Variants in CFAP70 observed in about 807,000 individuals in gnomAD.
The protein encoded by CFAP70 is cilia- and flagella-associated protein 70.
In CFAP70, 81 loss-of-function variants were observed where a neutral mutation model predicts 137.6. The ratio of observed to expected loss-of-function variants is 0.59; its 90% confidence interval spans 0.49 to 0.71. The LOEUF (loss-of-function observed/expected upper bound fraction) is 0.71, where lower values mean the gene tolerates loss of function less well. CFAP70 is among the 30% of genes least tolerant of loss of function. The pLI is 0.00. For missense variants in CFAP70, 976 were observed against 1,226.7 expected (o/e 0.80, Z 3.05); for synonymous variants, 382 against 423.6 (o/e 0.90, Z 1.20).
chr10:73,358,938 A>G (rs1372966653), upstream of CFAP70: 1 of 152,226 alleles, frequency 6.6e-6, no homozygotes, highest in Non-Finnish European at 1.5e-5. Flanking sequence ...TTACCTTGCC[A>G]AGAGTTGGGT....
chr10:73,307,116 A>G (rs1454364601), intron 12 of CFAP70, among the ~76,000 whole-genome samples: 1 of 152,200 alleles, frequency 6.6e-6, no homozygotes, highest in African/African-American at 2.4e-5. Context: ...AGTGTATAGT[A>G]CTGAAATTAA....
At chr10:73,272,116 C>G in intron 24 of CFAP70, among the ~76,000 whole-genome samples, 1 of 152,114 alleles carries the variant, frequency 6.6e-6, no homozygotes. Flanking sequence ...GGGTGGATCA[C>G]TTGAGGTCAG....
At chr10:73,317,486 C>T (rs1185331898) in intron 9 of CFAP70, among the ~76,000 whole-genome samples, 4 of 152,048 alleles carry the variant, frequency 2.6e-5, no homozygotes, top group Admixed American at 2.0e-4. Flanking sequence ...CTGTTGCATT[C>T]GTGATGTTCT....
chr10:73,312,354 TTAAAG>T (rs1306324546), intron 10 of CFAP70, 114 bp downstream of exon 11: 29 of 768,932 alleles, frequency 3.8e-5, no homozygotes, highest in Admixed American at 2.1e-4. Flanking sequence ...ATCCCAGAAC[TTAAAG>T]TAAAATTAAA....
intron 9 of CFAP70, among the ~76,000 whole-genome samples, chr10:73,314,900 T>C (rs113085161): frequency 0.11 from 16,025 of 148,994 alleles, 1,225 homozygotes; most frequent in East Asian, 0.32. Flanking sequence ...CCACCACACC[T>C]GGCCCAAGTT....
At chr10:73,299,123 G>C in intron 13 of CFAP70, 22 bp from the exon 15 acceptor site, 1 of 1,578,606 alleles carries the variant, frequency 6.3e-7, no homozygotes, top group Non-Finnish European at 8.7e-7. Flanking sequence ...CAAAACATCT[G>C]GTAGACGCCT....
intron 12 of CFAP70, among the ~76,000 whole-genome samples, chr10:73,308,347 G>A (rs1029510617): frequency 1.3e-5 from 2 of 152,040 alleles, no homozygotes; most frequent in African/African-American, 4.8e-5. Context: ...TTGAAATCAT[G>A]GCTGAGCATG....
rs16930537 is a variant in CFAP70 at position 73,356,913 on chromosome 10, T to C, written c.-40+1801A>G. 8.9e-3 allele frequency among the ~76,000 whole-genome samples: 1,349 copies of C among 152,272 alleles called. 33 individuals are homozygous for C. The highest frequency in any genetic ancestry group is 0.03 in the African/African-American group (1,262 of 41,540). On this transcript the variant is annotated intron_variant, in intron 1 of 26. Transcript: ENST00000310715. The stretch of plus-strand genomic sequence containing the variant: ...CAGAATTGCTCATTGAAAAAACTTG[T>C]TAAGCTTGGCACTGTGATGGGTGCT...
chr10:73,351,075 A>G (rs1275774806), intron 3 of CFAP70, among the ~76,000 whole-genome samples: 212 of 49,004 alleles, frequency 4.3e-3, no homozygotes, highest in African/African-American at 0.022. Flanking sequence ...GTGTGTGTAT[A>G]TATATATATA....
At chr10:73,321,361 T>C (rs1564838212) in intron 9 of CFAP70, among the ~76,000 whole-genome samples, 1 of 152,142 alleles carries the variant, frequency 6.6e-6, no homozygotes, top group Admixed American at 6.5e-5. Flanking sequence ...GAGGTTGCAG[T>C]AAGCCGAGAT....
At position 73,354,855 on chromosome 10, in the gene CFAP70, A is replaced by G. The variant is rs183226689; in HGVS notation, c.-39-20T>C. 38 of 1,445,192 alleles carry G rather than the reference A, an allele frequency of 2.6e-5. No homozygotes were observed. The African/African-American group carries it at 3.5e-4, about 13-fold the overall frequency. The allele number at this position is 1,445,192 out of a possible 1,614,324, so 89.5% of individuals were successfully genotyped here. ...TGGTCTCTGTAAACAGAATGAATCA[A>G]CCTGTCCCCTCATGTACCACAGCTG... is the stretch of plus-strand genomic sequence containing the variant. On this transcript the variant is annotated intron_variant, in intron 1 of 26. Transcript: ENST00000310715.
chr10:73,290,649 A>G (rs1023651511), intron 19 of CFAP70, among the ~76,000 whole-genome samples: 10 of 152,204 alleles, frequency 6.6e-5, no homozygotes, highest in African/African-American at 2.4e-4. Context: ...TACCACACAG[A>G]ATGACTGGAG....
At chr10:73,315,586 G>T (rs1326253661) in intron 9 of CFAP70, among the ~76,000 whole-genome samples, 3 of 151,990 alleles carry the variant, frequency 2.0e-5, no homozygotes, top group Admixed American at 6.6e-5. Context: ...TTGAGACAGG[G>T]TCTCACTCTT....
At chr10:73,280,578 T>C (rs998758603) in intron 19 of CFAP70, among the ~76,000 whole-genome samples, 15 of 152,204 alleles carry the variant, frequency 9.9e-5, no homozygotes, top group African/African-American at 3.4e-4. Flanking sequence ...GAGAGGTTTT[T>C]ATTACCCATT....
intron 8 of CFAP70, among the ~76,000 whole-genome samples, chr10:73,329,373 G>C (rs1229196099): frequency 6.6e-6 from 1 of 152,168 alleles, no homozygotes; most frequent in Non-Finnish European, 1.5e-5. Context: ...ATAGCATTAA[G>C]AGATATACCT....
intron 24 of CFAP70, 119 bp from the exon 26 acceptor site, chr10:73,269,834 C>T: frequency 1.7e-6 from 1 of 576,780 alleles, no homozygotes; most frequent in Admixed American, 2.7e-5. Context: ...AGCATCAGAA[C>T]TCTTTTCTTC....
At chr10:73,267,424 C>T (rs909164257) in intron 25 of CFAP70, among the ~76,000 whole-genome samples, 3 of 152,182 alleles carry the variant, frequency 2.0e-5, no homozygotes, top group Non-Finnish European at 4.4e-5. Context: ...AAAAGCCTAA[C>T]CTCTGAGAAT....
chr10:73,262,008 G>GTATATATGTATATAT (rs1207012334), intron 25 of CFAP70, among the ~76,000 whole-genome samples: 1 of 135,532 alleles, frequency 7.4e-6, no homozygotes, highest in Non-Finnish European at 1.6e-5. Context: ...GTATACATAT[G>GTATATATGTATATAT]TATATATGTA....
intron 8 of CFAP70, 47 bp from the exon 10 acceptor site, chr10:73,323,144 T>C: frequency 6.5e-7 from 1 of 1,538,802 alleles, no homozygotes; most frequent in Non-Finnish European, 8.8e-7. Flanking sequence ...AGCAATGTAA[T>C]ATAAGGTATG....
Sources: allele counts gnomAD v4.1 joint callset (sites outside exome capture counted in the v4.1 genomes callset), GRCh38; gene constraint gnomAD v4.1.1; transcripts MANE v1.5; gene names NCBI Gene and HGNC (gene_info 2026-07-23, HGNC 2026-07-21).